The following PCNA variants were observed in gnomAD, a reference collection of about 807,000 sequenced individuals.
The protein encoded by PCNA is proliferating cell nuclear antigen.
A neutral mutation model predicts 27.8 loss-of-function variants in PCNA; 4 were observed. The ratio of observed to expected loss-of-function variants is 0.14; its 90% confidence interval spans 0.07 to 0.33. The LOEUF is 0.33. PCNA is among the 10% of genes least tolerant of loss of function. The pLI is 1.00. For missense variants in PCNA, 165 were observed against 327.4 expected (o/e 0.50, Z 3.83); for synonymous variants, 121 against 119.4 (o/e 1.01, Z -0.09).
chr20:5,120,040 GA>G, upstream of PCNA: 1 of 542,498 alleles, frequency 1.8e-6, no homozygotes, highest in Non-Finnish European at 3.3e-6. Context: ...GCCTTGCGGG[GA>G]AGACTTTAGG....
chr20:5,124,411 G>A (rs139015342), upstream of PCNA, among the ~76,000 whole-genome samples: 51 of 152,158 alleles, frequency 3.4e-4, no homozygotes, highest in African/African-American at 1.2e-3. Flanking sequence ...CCAGGTGGGC[G>A]GATCACCTGA....
rs1209847033 is a variant in PCNA at position 5,115,060 on chromosome 20, G to C, written c.*223C>G. On this transcript the variant is annotated 3_prime_UTR_variant, in exon 6 of 6. Transcript: ENST00000379143. ...ATAAAAATCACAAGTATTTCTAAGA[G>C]ACAAAAATACTTCTAGGTTAACTAG... The C allele has an allele frequency of 2.4e-6, 1 of 409,990 alleles. No homozygotes were observed. The highest frequency in any genetic ancestry group is 4.4e-6 in the Non-Finnish European group (1 of 227,124). The allele number at this position is 409,990 out of a possible 1,614,324, so 25.4% of individuals were successfully genotyped here.
At chr20:5,119,991 TGCGCC>T (rs1480530670), upstream of PCNA, 8 of 589,366 alleles carry the variant, frequency 1.4e-5, no homozygotes, top group East Asian at 2.0e-4. Context: ...GCTCTCACCC[TGCGCC>T]GCGTTGCGAC....
Position 5,119,781 on chromosome 20 carries a change from C to T in PCNA, c.18G>A (p.Leu6=), listed in dbSNP as rs1386361926. The change falls in exon 1 of 6, where the codon CTG becomes CTA. Residue 6 remains leucine (L), a synonymous_variant. Coordinates refer to ENST00000379143, the MANE Select transcript of PCNA (RefSeq NM_182649.2). Reference sequence around the variant, plus strand: ...CCTTCTTGAGGATGGAGCCCTGGACCAGGCGCGCCTCGAACATGGTGGCGG... The same window carrying T: ...CCTTCTTGAGGATGGAGCCCTGGACTAGGCGCGCCTCGAACATGGTGGCGG... MFEAR[L]VQGSILKKVL... is the part of the protein sequence containing the mutation. 1 of 1,571,876 alleles carries T rather than the reference C, an allele frequency of 6.4e-7. No homozygotes were observed. Among genetic ancestry groups the T allele is most frequent in the South Asian group, 1.2e-5 (1 of 86,204 alleles).
At chr20:5,122,218 G>A (rs1448354411), upstream of PCNA, among the ~76,000 whole-genome samples, 2 of 152,008 alleles carry the variant, frequency 1.3e-5, no homozygotes. Flanking sequence ...CTGACCTCAT[G>A]TGATCTGCCT....
chr20:5,115,631 A>C, intron 4 of PCNA, 59 bp from the exon 5 acceptor site: 68 of 1,438,338 alleles, frequency 4.7e-5, no homozygotes, highest in Non-Finnish European at 6.6e-5. Flanking sequence ...CTATTAGCTC[A>C]TTATATATTT....
chr20:5,122,656 G>A (rs143697900), upstream of PCNA, among the ~76,000 whole-genome samples: 13 of 152,242 alleles, frequency 8.5e-5, no homozygotes, highest in Non-Finnish European at 1.6e-4. Context: ...TCTTGGGTCC[G>A]TTAAAATCTC....
intron 4 of PCNA, among the ~76,000 whole-genome samples, chr20:5,116,522 G>A (rs1410129040): frequency 6.6e-6 from 1 of 152,138 alleles, no homozygotes. Flanking sequence ...AGTATTTATT[G>A]TAAGCTTATA....
rs1600449629 is a variant in PCNA at position 5,119,573 on chromosome 20, C to T, written c.221+5G>A. ...GGGCCGGCTTCCCGGGGCCGCGAGG[C>T]TCACCTGGTGAGGTTCACGCCCATG... On this transcript the variant is annotated splice_donor_5th_base_variant and intron_variant, in intron 1 of 5. Coordinates refer to ENST00000379143, the MANE Select transcript of PCNA (RefSeq NM_182649.2). The T allele has an allele frequency of 6.2e-7, 1 of 1,608,098 alleles. No homozygotes were observed. The highest frequency in any genetic ancestry group is 2.2e-5 in the East Asian group (1 of 44,666).
Position 5,115,355 on chromosome 20 carries a change from C to A in PCNA, c.714G>T (p.Glu238Asp). Residue 238 changes from glutamate (E) to aspartate (D), a missense_variant, in exon 6 of 6, where the codon GAG (glutamate) becomes GAT (aspartate). Coordinates refer to ENST00000379143, the MANE Select transcript of PCNA (RefSeq NM_182649.2). Reference sequence around the variant, plus strand: ...AGTGTCCCATATCCGCAATTTTATACTCTACAACTGAAAGACAGGAAGATG... The same window carrying A: ...AGTGTCCCATATCCGCAATTTTATAATCTACAACTGAAAGACAGGAAGATG... The part of the protein sequence containing the change: ...SMSADVPLVV[E>D]YKIADMGHLK... 1 of 1,613,890 alleles carries A rather than the reference C, an allele frequency of 6.2e-7. No individual in the cohort carries two copies. Among genetic ancestry groups the A allele is most frequent in the African/African-American group, 1.3e-5 (1 of 75,036 alleles).
intron 5 of PCNA, 28 bp from the exon 6 acceptor site, chr20:5,115,390 T>C (rs774900616): frequency 4.3e-6 from 7 of 1,613,542 alleles, no homozygotes; most frequent in Non-Finnish European, 5.9e-6. Flanking sequence ...GGTTAATTAC[T>C]GAGGAGTATG....
At chr20:5,122,932 A>G (rs2090526061), upstream of PCNA, among the ~76,000 whole-genome samples, 1 of 152,214 alleles carries the variant, frequency 6.6e-6, no homozygotes, top group Non-Finnish European at 1.5e-5. Flanking sequence ...CAAATGATAA[A>G]GAGGTGTACA....
intron 4 of PCNA, 152 bp from the exon 5 acceptor site, chr20:5,115,724 C>G (rs1239522323): frequency 3.6e-6 from 2 of 552,534 alleles, no homozygotes; most frequent in Non-Finnish European, 6.3e-6. Flanking sequence ...GCAAAAGACT[C>G]GATTATCTAG....
At chr20:5,123,430 C>T (rs2090528075), upstream of PCNA, among the ~76,000 whole-genome samples, 1 of 152,192 alleles carries the variant, frequency 6.6e-6, no homozygotes, top group Non-Finnish European at 1.5e-5. Context: ...CGCAGTGGCT[C>T]ATGCCTGTAA....
upstream of PCNA, among the ~76,000 whole-genome samples, chr20:5,122,304 T>G (rs1443608864): frequency 6.6e-6 from 1 of 152,220 alleles, no homozygotes; most frequent in Non-Finnish European, 1.5e-5. Context: ...AAAAGAACTT[T>G]TAGACTTTAA....
At chr20:5,120,013 A>G, upstream of PCNA, 2 of 576,102 alleles carry the variant, frequency 3.5e-6, no homozygotes, top group Admixed American at 3.0e-5. Context: ...CGACGTCACC[A>G]CGCTGTCCAG....
At position 5,117,464 on chromosome 20, in the gene PCNA, A is replaced by C. The variant is rs755112178; in HGVS notation, c.582+6T>G. ...ACTATTTTCTTTTTACTTAAAAACT[A>C]CTTACAGCTTCCTCCTCTTTATCGA... On this transcript the variant is annotated splice_donor_region_variant and intron_variant, in intron 4 of 5. Transcript: ENST00000379143. 6.3e-7 allele frequency: 1 copy of C among 1,598,914 alleles called. No individual in the cohort carries two copies. The highest frequency in any genetic ancestry group is 8.6e-7 in the Non-Finnish European group (1 of 1,169,182).
upstream of PCNA, among the ~76,000 whole-genome samples, chr20:5,122,002 GAC>G (rs1339281892): frequency 7.0e-5 from 9 of 128,588 alleles, no homozygotes; most frequent in African/African-American, 2.7e-4. Flanking sequence ...TTTTTTCTGA[GAC>G]AGAGTCTCAC....
chr20:5,120,067 G>T (rs1306491192), upstream of PCNA: 1 of 474,526 alleles, frequency 2.1e-6, no homozygotes, highest in African/African-American at 2.0e-5. Flanking sequence ...TCGTGTCCAT[G>T]CTCCCCGCGA....
Sources: gnomAD v4.1 joint callset for allele counts (sites outside exome capture counted in the v4.1 genomes callset) on GRCh38, gnomAD v4.1.1 for gene constraint, MANE v1.5 for transcripts, NCBI Gene and HGNC (gene_info 2026-07-23, HGNC 2026-07-21) for gene names.